ZNF469: variants seen among roughly 807,000 people sequenced by gnomAD.
The protein encoded by ZNF469 is zinc finger protein 469.
A neutral mutation model predicts 1.0 loss-of-function variants in ZNF469; 1 was observed. The observed-to-expected ratio is 1.00, with a 90% CI of 0.35 to 4.73. ZNF469 has a LOEUF of 4.73. Ranked by LOEUF, ZNF469 falls within the 30% of genes most tolerant of loss-of-function variation. The pLI is 0.16. For missense variants in ZNF469, 6,100 were observed against 5,356.3 expected (o/e 1.14, Z -4.33); for synonymous variants, 2,703 against 2,363.4 (o/e 1.14, Z -4.17).
chr16:88,337,147 C>T, the ZNF469 span, among the ~76,000 whole-genome samples: 1 of 152,190 alleles, frequency 6.6e-6, no homozygotes, highest in Non-Finnish European at 1.5e-5. Context: ...AACGTTCACA[C>T]CTGGTATGGT....
chr16:88,328,073 G>A, the ZNF469 span, among the ~76,000 whole-genome samples: 18 of 152,326 alleles, frequency 1.2e-4, no homozygotes, highest in Middle Eastern at 3.4e-3. Context: ...AAGGGCACAC[G>A]CCATGGGAGC....
chr16:88,151,150 T>G, the ZNF469 span, among the ~76,000 whole-genome samples: 1 of 152,164 alleles, frequency 6.6e-6, no homozygotes, highest in African/African-American at 2.4e-5. This position sits in a 1 kb window ranked among gnomAD's most constrained non-coding sequence, Gnocchi z 5.4. Context: ...AGGCAGCCCC[T>G]CTGCAAACAA....
chr16:88,296,391 T>TACAGACACATATGTGCAC, the ZNF469 span, among the ~76,000 whole-genome samples: 1 of 151,750 alleles, frequency 6.6e-6, no homozygotes, highest in Non-Finnish European at 1.5e-5. Flanking sequence ...CAGGTGCACA[T>TACAGACACATATGTGCAC]ACAGACACAT....
At chr16:88,200,344 G>A in the ZNF469 span, among the ~76,000 whole-genome samples, 10 of 152,210 alleles carry the variant, frequency 6.6e-5, no homozygotes, top group Non-Finnish European at 1.2e-4. Context: ...GGGTTGCTTG[G>A]ACAGAAGCCT....
the ZNF469 span, among the ~76,000 whole-genome samples, chr16:88,244,465 A>T: frequency 6.8e-6 from 1 of 148,104 alleles, no homozygotes; most frequent in African/African-American, 2.5e-5. Flanking sequence ...GGGTGGAAGG[A>T]TGGGTGGGTG....
rs1369047197 is a variant in ZNF469, at chr16:88,428,048, C to T, written c.578C>T (p.Ser193Phe). 2 of 1,549,906 alleles carry T rather than the reference C, an allele frequency of 1.3e-6. No homozygotes were observed. Among genetic ancestry groups the T allele is most frequent in the Non-Finnish European group, 1.7e-6 (2 of 1,146,710 alleles). ...CAGGAGCCACCCTCCAGCTTTACCT[C>T]CACCAACTATACCTCACCAAGCGCC... The part of the protein sequence containing the change: ...CFQEPPSSFT[S>F]TNYTSPSATP... The change falls in exon 3 of 3, where the codon TCC (serine) becomes TTC (phenylalanine). Residue 193 changes from serine to phenylalanine, a missense_variant. By Grantham distance (155) the Ser-to-Phe change is radical. Transcript: ENST00000565624.
the ZNF469 span, among the ~76,000 whole-genome samples, chr16:88,372,101 TCATCACCATCACCACCATC>T: frequency 2.0e-5 from 2 of 98,546 alleles, no homozygotes; most frequent in South Asian, 6.8e-4. Flanking sequence ...ATCACCACCA[TCATCACCATCACCACCATC>T]ATCACCATCA....
chr16:88,225,972 C>T, the ZNF469 span, among the ~76,000 whole-genome samples: 7 of 152,020 alleles, frequency 4.6e-5, no homozygotes, highest in Non-Finnish European at 1.0e-4. Flanking sequence ...GACACCCTGG[C>T]TCCTTGCACA....
At chr16:88,152,995 C>T in the ZNF469 span, among the ~76,000 whole-genome samples, 7 of 152,188 alleles carry the variant, frequency 4.6e-5, no homozygotes, top group Non-Finnish European at 1.0e-4. The surrounding 1 kb of genome is among the most constrained non-coding windows in gnomAD (Gnocchi z 4.2). Context: ...CACCGTGGCT[C>T]CGGCTGGCGT....
chr16:88,396,101 G>A (rs964708079), intron 1 of ZNF469, among the ~76,000 whole-genome samples: 12 of 152,242 alleles, frequency 7.9e-5, no homozygotes, highest in African/African-American at 2.7e-4. Flanking sequence ...TCAGTGTGAC[G>A]GTCAAGCTGC....
chr16:88,172,368 A>G, the ZNF469 span, among the ~76,000 whole-genome samples: 1 of 152,228 alleles, frequency 6.6e-6, no homozygotes, highest in Non-Finnish European at 1.5e-5. Flanking sequence ...AAGACTATAT[A>G]ATATGAAAAT....
chr16:88,251,538 C>CTTTT, the ZNF469 span, among the ~76,000 whole-genome samples: 107 of 51,278 alleles, frequency 2.1e-3, 32 homozygotes, highest in Middle Eastern at 0.029. Context: ...TCCCTGCTGT[C>CTTTT]TTTTTTTTTT....
At chr16:88,251,382 CTACATGTAG>C in the ZNF469 span, among the ~76,000 whole-genome samples, 2 of 152,072 alleles carry the variant, frequency 1.3e-5, no homozygotes, top group African/African-American at 2.4e-5. Context: ...GTCAGGTAAT[CTACATGTAG>C]AATGTAGATG....
chr16:88,202,045 G>A, the ZNF469 span, among the ~76,000 whole-genome samples: 23 of 152,166 alleles, frequency 1.5e-4, no homozygotes, highest in South Asian at 8.3e-4. Context: ...ACTTCCTGCC[G>A]TGCTCCCCCC....
chr16:88,431,519 C>T lies in ZNF469; in HGVS notation c.4049C>T (p.Ser1350Phe), dbSNP rs1906182250. Residue 1350 changes from serine (S) to phenylalanine (F), a missense_variant, in exon 3 of 3, where the codon TCC becomes TTC. By Grantham distance (155) the Ser-to-Phe change is radical. Coordinates refer to ENST00000565624, the MANE Select transcript of ZNF469 (RefSeq NM_001367624.2). ...CCCAGTGTTCTGTCTTCAAAGATCT[C>T]CAGTTTTGGCTGTGACCCTGCTGGT... ...PKPSVLSSKI[S>F]SFGCDPAGFN... 6.5e-7 allele frequency: 1 copy of T among 1,550,328 alleles called. No individual in the cohort carries two copies. Among genetic ancestry groups the T allele is most frequent in the African/African-American group, 1.4e-5 (1 of 73,064 alleles).
At chr16:88,110,814 G>T in the ZNF469 span, among the ~76,000 whole-genome samples, 2 of 152,226 alleles carry the variant, frequency 1.3e-5, no homozygotes, top group South Asian at 2.1e-4. Context: ...GGATTTCCAC[G>T]AGGGGCCCAG....
chr16:88,232,132 C>T, the ZNF469 span, among the ~76,000 whole-genome samples: 1 of 152,178 alleles, frequency 6.6e-6, no homozygotes. Context: ...GCACTGCCAA[C>T]GTTGACGGCA....
chr16:88,411,384 G>A (rs1905156475), intron 1 of ZNF469, among the ~76,000 whole-genome samples: 1 of 152,128 alleles, frequency 6.6e-6, no homozygotes, highest in South Asian at 2.1e-4. Context: ...GGGCAGGGGT[G>A]GTGGGGCAGC....
intron 1 of ZNF469, among the ~76,000 whole-genome samples, chr16:88,405,971 G>A (rs1470852617): frequency 2.0e-5 from 3 of 152,248 alleles, no homozygotes; most frequent in African/African-American, 7.2e-5. Context: ...GAGCGCTAAC[G>A]TGGCTGAATT....
Sources: allele counts gnomAD v4.1 joint callset (sites outside exome capture counted in the v4.1 genomes callset), GRCh38; gene constraint gnomAD v4.1.1; non-coding constraint Gnocchi (gnomAD v3.1); transcripts MANE v1.5; gene names NCBI Gene and HGNC (gene_info 2026-07-23, HGNC 2026-07-21).